PRKG1: variants seen among roughly 807,000 people sequenced by gnomAD.
PRKG1 encodes protein kinase cGMP-dependent 1.
In PRKG1, 35 loss-of-function variants were observed where a neutral mutation model predicts 88.1. That is an observed-to-expected ratio of 0.40 (90% CI 0.30 to 0.53). PRKG1 has a LOEUF of 0.53. PRKG1 is among the 20% of genes least tolerant of loss of function. The pLI, the probability that PRKG1 is intolerant of heterozygous loss-of-function variation, is 0.59. For missense variants in PRKG1, 540 were observed against 839.8 expected (o/e 0.64, Z 4.41); for synonymous variants, 303 against 292.5 (o/e 1.04, Z -0.37).
In PRKG1 at chr10:51,626,358, T is replaced by TCATA. The variant is rs1768970825; in HGVS notation, c.592+158523_592+158526dup. 3.3e-5 allele frequency among the ~76,000 whole-genome samples: 5 copies of TCATA among 152,370 alleles called. No individual in the cohort carries two copies. The South Asian group carries it at 1.0e-3, about 32-fold the overall frequency. On this transcript the variant is annotated intron_variant, in intron 3 of 17. Transcript: ENST00000373980. ...CATTTTAGTGATTAGGAGCTCTATA[T>TCATA]CATAGGGCATATTTTTAGGTATTGT...
intron 5 of PRKG1, among the ~76,000 whole-genome samples, chr10:52,042,948 A>G (rs1458446581): frequency 6.6e-6 from 1 of 152,200 alleles, no homozygotes; most frequent in Non-Finnish European, 1.5e-5. Context: ...AGGAAGATTT[A>G]GAAATGGGTA....
At chr10:51,242,896 G>T (rs1839190414) in intron 2 of PRKG1, among the ~76,000 whole-genome samples, 1 of 152,128 alleles carries the variant, frequency 6.6e-6, no homozygotes, top group South Asian at 2.1e-4. Flanking sequence ...AGTTTACTAA[G>T]ACAGATTATA....
intron 3 of PRKG1, among the ~76,000 whole-genome samples, chr10:51,717,847 A>AG (rs1418127372): frequency 6.6e-6 from 1 of 151,890 alleles, no homozygotes; most frequent in East Asian, 1.9e-4. Context: ...AAAAAAAAAA[A>AG]GAAATAATGA....
At chr10:51,842,442 C>G (rs983868106) in intron 4 of PRKG1, among the ~76,000 whole-genome samples, 2 of 152,166 alleles carry the variant, frequency 1.3e-5, no homozygotes, top group African/African-American at 4.8e-5. Context: ...TGAATGGTGG[C>G]AAAGAAGACC....
At chr10:51,455,682 A>T (rs190635956) in intron 2 of PRKG1, among the ~76,000 whole-genome samples, 168 of 152,218 alleles carry the variant, frequency 1.1e-3, no homozygotes, top group Middle Eastern at 3.4e-3. Flanking sequence ...AATTCCCAAC[A>T]CGTTCCTCAT....
At chr10:51,306,905 A>C (rs1265017511) in intron 2 of PRKG1, among the ~76,000 whole-genome samples, 2 of 152,056 alleles carry the variant, frequency 1.3e-5, no homozygotes, top group Non-Finnish European at 2.9e-5. Flanking sequence ...GTTCAAAGGG[A>C]TTTGTTTGAA....
intron 3 of PRKG1, among the ~76,000 whole-genome samples, chr10:51,629,303 G>A (rs1423509856): frequency 6.6e-6 from 1 of 151,988 alleles, no homozygotes; most frequent in African/African-American, 2.4e-5. Flanking sequence ...TGAGGTGGGG[G>A]ATGCTTTGAG....
intron 1 of PRKG1, among the ~76,000 whole-genome samples, chr10:51,058,756 C>T (rs902821444): frequency 6.6e-6 from 1 of 152,100 alleles, no homozygotes; most frequent in Non-Finnish European, 1.5e-5. Context: ...ATACTCTCTC[C>T]TTTCCCCTGT....
At chr10:51,604,706 C>T (rs566720009) in intron 3 of PRKG1, among the ~76,000 whole-genome samples, 2 of 152,308 alleles carry the variant, frequency 1.3e-5, no homozygotes, top group East Asian at 3.9e-4. Flanking sequence ...TTCTTCGGTG[C>T]CCACTGCTCA....
At chr10:52,025,454 C>A (rs186107042) in intron 5 of PRKG1, among the ~76,000 whole-genome samples, 5 of 152,020 alleles carry the variant, frequency 3.3e-5, no homozygotes, top group African/African-American at 1.2e-4. Flanking sequence ...GTTTTTATGG[C>A]TTTAGGTCTA....
At chr10:51,822,178 G>A (rs1375085687) in intron 4 of PRKG1, among the ~76,000 whole-genome samples, 1 of 151,752 alleles carries the variant, frequency 6.6e-6, no homozygotes, top group Non-Finnish European at 1.5e-5. Flanking sequence ...TGTCATTTAT[G>A]TGTGTGTATA....
chr10:51,167,951 G>A (rs1219820736), intron 2 of PRKG1, among the ~76,000 whole-genome samples: 1 of 152,064 alleles, frequency 6.6e-6, no homozygotes, highest in African/African-American at 2.4e-5. Context: ...GATGAAAGTT[G>A]CTCTCTTCTA....
chr10:52,054,364 A>C, intron 5 of PRKG1, 120 bp from the exon 6 acceptor site: 1 of 686,222 alleles, frequency 1.5e-6, no homozygotes, highest in Non-Finnish European at 2.5e-6. Context: ...TGATGGTTCC[A>C]GGCTTGGATA....
chr10:51,523,426 G>A (rs934060564), intron 3 of PRKG1, among the ~76,000 whole-genome samples: 17 of 152,116 alleles, frequency 1.1e-4, no homozygotes, highest in African/African-American at 2.9e-4. Context: ...TGAACATACA[G>A]CAAATTTGTT....
intron 2 of PRKG1, among the ~76,000 whole-genome samples, chr10:51,164,882 G>A (rs923507330): frequency 6.6e-6 from 1 of 152,178 alleles, no homozygotes. Flanking sequence ...AAGCCTCCAA[G>A]AAATATGGGA....
chr10:52,035,339 A>G (rs1845579513), intron 5 of PRKG1, among the ~76,000 whole-genome samples: 1 of 152,094 alleles, frequency 6.6e-6, no homozygotes, highest in South Asian at 2.1e-4. Context: ...GGGCCTGAAT[A>G]ATCCCTGAGG....
chr10:51,150,535 A>G (rs1423878755), intron 1 of PRKG1, among the ~76,000 whole-genome samples: 1 of 152,174 alleles, frequency 6.6e-6, no homozygotes, highest in Non-Finnish European at 1.5e-5. Context: ...CAAGGTATCT[A>G]TCTTGCTGCG....
chr10:50,991,682 G>T lies in PRKG1; in HGVS notation c.266+38G>T. The T allele has an allele frequency of 7.2e-7, 1 of 1,393,688 alleles. No individual in the cohort carries two copies. Among genetic ancestry groups the T allele is most frequent in the South Asian group, 1.5e-5 (1 of 67,390 alleles). 86.3% of individuals were successfully genotyped at this position (1,393,688 alleles called of 1,614,324 possible). A position where few individuals can be genotyped will look rare whatever the true frequency, so the allele number is the denominator to read the frequency against. On this transcript the variant is annotated intron_variant, in intron 1 of 17. Transcript: ENST00000401604. This position sits in a 1 kb window ranked among gnomAD's most constrained non-coding sequence, Gnocchi z 4.5. Reference sequence around the variant, plus strand: ...GCCGTGGGCCCGGGCGCTCGTCCCGGCCCGCGGCGCAGAGGCTGGGGGCTC... The same window carrying T: ...GCCGTGGGCCCGGGCGCTCGTCCCGTCCCGCGGCGCAGAGGCTGGGGGCTC...
At chr10:51,377,173 G>C (rs1353470556) in intron 2 of PRKG1, among the ~76,000 whole-genome samples, 1 of 151,986 alleles carries the variant, frequency 6.6e-6, no homozygotes, top group African/African-American at 2.4e-5. Context: ...TGCATAACTG[G>C]ATATTTTATT....
Sources: allele counts gnomAD v4.1 joint callset (sites outside exome capture counted in the v4.1 genomes callset), GRCh38; gene constraint gnomAD v4.1.1; non-coding constraint Gnocchi (gnomAD v3.1); transcripts MANE v1.5; gene names NCBI Gene and HGNC (gene_info 2026-07-23, HGNC 2026-07-21).